The following CADPS2 variants were observed in gnomAD, a reference collection of about 807,000 sequenced individuals.
CADPS2 encodes calcium-dependent secretion activator 2.
A neutral mutation model predicts 172.5 loss-of-function variants in CADPS2; 93 were observed. That is an observed-to-expected ratio of 0.54 (90% CI 0.46 to 0.64). The LOEUF (loss-of-function observed/expected upper bound fraction) is 0.64. CADPS2 is among the 30% of genes least tolerant of loss of function. The pLI, the probability that CADPS2 is intolerant of heterozygous loss-of-function variation, is 0.00. For synonymous variants in CADPS2, 546 were observed against 555.2 expected (o/e 0.98, Z 0.23); for missense variants, 1,420 against 1,565.9 (o/e 0.91, Z 1.57).
At chr7:122,564,194 G>C (rs1301525501) in intron 7 of CADPS2, among the ~76,000 whole-genome samples, 1 of 152,040 alleles carries the variant, frequency 6.6e-6, no homozygotes, top group African/African-American at 2.4e-5. Flanking sequence ...ACATAATAAT[G>C]TACCAAAATA....
In CADPS2 at chr7:122,823,618, G is replaced by A. The variant is rs112903160; in HGVS notation, c.339+62381C>T. The stretch of plus-strand genomic sequence containing the variant: ...TTAGTAAAGCTGATCTTGCCTGTCC[G>A]TAGACTTTCAGTAGCAAGGCTCTAT... On this transcript the variant is annotated intron_variant, in intron 1 of 29. Transcript: ENST00000449022. 3.1e-3 allele frequency among the ~76,000 whole-genome samples: 471 copies of A among 152,266 alleles called. 2 individuals carry two copies. The highest frequency in any genetic ancestry group is 0.01 in the African/African-American group (427 of 41,540).
chr7:122,392,225 A>G (rs2044459303), intron 22 of CADPS2, among the ~76,000 whole-genome samples: 1 of 152,100 alleles, frequency 6.6e-6, no homozygotes, highest in African/African-American at 2.4e-5. Flanking sequence ...TGAGGCTCAT[A>G]GTTTTAAAAA....
Position 122,568,378 on chromosome 7 carries a change from C to T in CADPS2, c.1335+12801G>A, listed in dbSNP as rs1011748950. ...AAAGATCAGTTAATGAGAAGGAAATCGTAATCCCATCTATCTATACACTGC... is the reference window on the plus strand; with the variant it reads ...AAAGATCAGTTAATGAGAAGGAAATTGTAATCCCATCTATCTATACACTGC... On this transcript the variant is annotated intron_variant, in intron 7 of 29. Coordinates refer to ENST00000449022, the MANE Select transcript of CADPS2 (RefSeq NM_017954.11). Among the ~76,000 whole-genome samples the T allele has an allele frequency of 6.6e-5, 10 of 151,954 alleles. 1 individual carries two copies. Among genetic ancestry groups the T allele is most frequent in the South Asian group, 4.2e-4 (2 of 4,808 alleles).
intron 1 of CADPS2, among the ~76,000 whole-genome samples, chr7:122,870,641 C>T (rs900739017): frequency 3.0e-4 from 46 of 151,802 alleles, no homozygotes; most frequent in African/African-American, 1.1e-3. Context: ...AACCTCACCA[C>T]AAAAAGAAGA....
chr7:122,499,310 G>A (rs1472168224), intron 9 of CADPS2, among the ~76,000 whole-genome samples: 7 of 152,120 alleles, frequency 4.6e-5, no homozygotes, highest in Non-Finnish European at 8.8e-5. Flanking sequence ...CTCTGCATGA[G>A]CAATAAAATC....
At chr7:122,423,293 G>A (rs775039125) in intron 17 of CADPS2, among the ~76,000 whole-genome samples, 34 of 151,986 alleles carry the variant, frequency 2.2e-4, no homozygotes, top group Non-Finnish European at 4.0e-4. Context: ...TAAGAGAGTG[G>A]GAAATTAGGT....
rs558421546 is a variant in CADPS2, at chr7:122,734,356, T to TAAAAAAAAAA, written c.453+2589_453+2598dup. On this transcript the variant is annotated intron_variant, in intron 2 of 29. Transcript: ENST00000449022. ...AATAACGATAGCATGCCAGAAATAG[T>TAAAAAAAAAA]AAAAAAAAAAAAAAAAAAAAAAAAA... Among the ~76,000 whole-genome samples, 57 of 46,284 alleles carry TAAAAAAAAAA rather than the reference T, an allele frequency of 1.2e-3. 7 individuals carry two copies. The highest frequency in any genetic ancestry group is 2.1e-3 in the East Asian group (2 of 970). The allele number at this position is 46,284 out of a possible 152,430, so 30.4% of individuals were successfully genotyped here. A position where few individuals can be genotyped will look rare whatever the true frequency, so the allele number is the denominator to read the frequency against.
intron 3 of CADPS2, among the ~76,000 whole-genome samples, chr7:122,651,915 T>C (rs2079190453): frequency 6.6e-6 from 1 of 152,200 alleles, no homozygotes; most frequent in African/African-American, 2.4e-5. Context: ...TGCCTCTCTA[T>C]AGTCCATAAG....
intron 24 of CADPS2, 51 bp from the exon 25 acceptor site, chr7:122,379,493 T>A: frequency 8.5e-7 from 1 of 1,171,588 alleles, no homozygotes; most frequent in East Asian, 2.4e-5. Flanking sequence ...ACAAAACTTT[T>A]GTCATCAGTC....
intron 2 of CADPS2, among the ~76,000 whole-genome samples, chr7:122,691,892 G>A (rs1274010067): frequency 2.6e-5 from 4 of 152,160 alleles, no homozygotes; most frequent in African/African-American, 4.8e-5. Flanking sequence ...GCCAAGTGGC[G>A]AACGCCAAGG....
intron 25 of CADPS2, among the ~76,000 whole-genome samples, chr7:122,372,047 A>C (rs555857005): frequency 1.3e-5 from 2 of 152,198 alleles, no homozygotes; most frequent in African/African-American, 4.8e-5. Context: ...CTAAGACTCT[A>C]TCTGTATTAA....
At chr7:122,769,044 T>C (rs2093635560) in intron 1 of CADPS2, among the ~76,000 whole-genome samples, 1 of 152,026 alleles carries the variant, frequency 6.6e-6, no homozygotes, top group African/African-American at 2.4e-5. Context: ...GCTGTCAAAT[T>C]GGGTCTATGT....
At chr7:122,819,474 GCC>G (rs1466179893) in intron 1 of CADPS2, among the ~76,000 whole-genome samples, 3 of 152,090 alleles carry the variant, frequency 2.0e-5, no homozygotes, top group Admixed American at 1.3e-4. Context: ...TGGAAGGTAA[GCC>G]CCGTCCCCTT....
intron 7 of CADPS2, among the ~76,000 whole-genome samples, chr7:122,556,645 C>T (rs1262830286): frequency 4.6e-5 from 7 of 152,086 alleles, no homozygotes; most frequent in East Asian, 1.9e-4. Context: ...ATCCCAATAT[C>T]GAATACCATT....
At chr7:122,735,988 C>A (rs377090910) in intron 2 of CADPS2, among the ~76,000 whole-genome samples, 1 of 152,138 alleles carries the variant, frequency 6.6e-6, no homozygotes, top group African/African-American at 2.4e-5. Context: ...TATTCTGAGA[C>A]AAGGTCCAGT....
intron 2 of CADPS2, chr7:122,681,698 C>CCTG: frequency 1.2e-6 from 1 of 853,204 alleles, no homozygotes; most frequent in Non-Finnish European, 1.8e-6. Context: ...ACAGGTTATT[C>CCTG]TCTGGAGAAA....
At chr7:122,370,787 G>T (rs1463014191) in intron 25 of CADPS2, among the ~76,000 whole-genome samples, 1 of 152,114 alleles carries the variant, frequency 6.6e-6, no homozygotes, top group Admixed American at 6.5e-5. Flanking sequence ...ACAAGGGTCT[G>T]GAAAAACTAT....
chr7:122,700,990 A>G (rs1263612419), intron 2 of CADPS2, among the ~76,000 whole-genome samples: 1 of 152,250 alleles, frequency 6.6e-6, no homozygotes, highest in East Asian at 1.9e-4. Context: ...CCTGGGTATT[A>G]ATAAAATTAA....
At chr7:122,726,038 T>C (rs541308014) in intron 2 of CADPS2, among the ~76,000 whole-genome samples, 1 of 151,878 alleles carries the variant, frequency 6.6e-6, no homozygotes, top group African/African-American at 2.4e-5. Flanking sequence ...TTCAAGACAG[T>C]AAATTTTAAC....
Sources: allele counts gnomAD v4.1 joint callset (sites outside exome capture counted in the v4.1 genomes callset), GRCh38; gene constraint gnomAD v4.1.1; transcripts MANE v1.5; gene names NCBI Gene and HGNC (gene_info 2026-07-23, HGNC 2026-07-21).